CMPK2: variants seen among roughly 807,000 people sequenced by gnomAD.
The protein encoded by CMPK2 is UMP-CMP kinase 2, mitochondrial.
Under a neutral mutation model 33.4 loss-of-function variants are expected in CMPK2, and 32 were observed. That is an observed-to-expected ratio of 0.96 (90% confidence interval 0.72 to 1.29). The LOEUF is 1.29. Ranked by LOEUF, CMPK2 falls within the 50% of genes most tolerant of loss-of-function variation. The pLI is 0.00. For synonymous variants in CMPK2, 299 were observed against 275.3 expected, an observed-to-expected ratio of 1.09 and a Z score of -0.85; for missense variants, 672 against 616.0, an observed-to-expected ratio of 1.09 and a Z score of -0.96.
Position 6,849,623 on chromosome 2 carries a change from T to C in CMPK2, c.*227A>G. 1 of 1,332,658 alleles carries C rather than the reference T, an allele frequency of 7.5e-7. No individual in the cohort carries two copies. 82.6% of individuals were successfully genotyped at this position (1,332,658 alleles called of 1,614,324 possible). A position where few individuals can be genotyped will look rare whatever the true frequency, so the allele number is the denominator to read the frequency against. On this transcript the variant is annotated 3_prime_UTR_variant, in exon 5 of 5. Coordinates refer to ENST00000256722, the MANE Select transcript of CMPK2 (RefSeq NM_207315.4). ...GTTTACTATGCCAGGAAGAAAGCAA[T>C]CGCTGGCCTCTCACTGGAACATGAT...
chr2:6,864,652 TTTTC>T (rs759198368), intron 1 of CMPK2, among the ~76,000 whole-genome samples: 12 of 152,290 alleles, frequency 7.9e-5, no homozygotes, highest in South Asian at 6.2e-4. Flanking sequence ...AACTCATGCA[TTTTC>T]TTTTTCACCC....
intron 3 of CMPK2, among the ~76,000 whole-genome samples, chr2:6,841,916 C>T (rs73156021): frequency 0.019 from 2,833 of 152,178 alleles, 101 homozygotes; most frequent in African/African-American, 0.065. Context: ...TTCCAAATAG[C>T]GGCATGAGCA....
At chr2:6,845,452 G>A (rs1036402624), downstream of CMPK2, among the ~76,000 whole-genome samples, 1 of 151,888 alleles carries the variant, frequency 6.6e-6, no homozygotes, top group Non-Finnish European at 1.5e-5. Context: ...GAGAGAAAAG[G>A]CATTCCTCTT....
In CMPK2 at chr2:6,851,454, G is replaced by C; in HGVS notation, c.1222C>G (p.Gln408Glu). The C allele has an allele frequency of 1.2e-6, 2 of 1,614,150 alleles. No individual in the cohort carries two copies. The highest frequency in any genetic ancestry group is 2.2e-5 in the South Asian group (2 of 91,048). The stretch of plus-strand genomic sequence containing the variant: ...GCATTGCACTGGGACACCTACTTTT[G>C]ACGAAACACACTGTTGGCCTCAAGT... ...AELEANSVFR[Q>E]KVEMSYQRME... Residue 408 changes from glutamine (Q) to glutamate (E), a missense_variant, in exon 4 of 5, where the codon CAA (glutamine) becomes GAA (glutamate). Coordinates refer to ENST00000256722, the MANE Select transcript of CMPK2 (RefSeq NM_207315.4).
intron 1 of CMPK2, 42 bp from the exon 2 acceptor site, chr2:6,863,620 C>A: frequency 1.3e-6 from 2 of 1,489,522 alleles, no homozygotes; most frequent in Non-Finnish European, 1.9e-6. Flanking sequence ...AGCCAGGGGG[C>A]TTTTGCAGAA....
chr2:6,843,700 G>T (rs138560666), downstream of CMPK2, among the ~76,000 whole-genome samples: 213 of 152,280 alleles, frequency 1.4e-3, no homozygotes, highest in African/African-American at 5.0e-3. Flanking sequence ...GGGATGCTCA[G>T]GCATGATTAA....
chr2:6,853,794 C>T lies in CMPK2; in HGVS notation c.993-2111G>A, dbSNP rs531474941. Among the ~76,000 whole-genome samples, 115 of 151,918 alleles carry T rather than the reference C, an allele frequency of 7.6e-4. No homozygotes were observed. In the East Asian group the frequency reaches 8.1e-3, roughly 11 times the overall value. On this transcript the variant is annotated intron_variant, in intron 3 of 4. Coordinates refer to ENST00000256722, the MANE Select transcript of CMPK2 (RefSeq NM_207315.4). ...GCGGGCACCTGTAGTCCCAGCTACTCGGGAGGCTGAGGCAGGAGAATGGCG... is the reference window on the plus strand; with the variant it reads ...GCGGGCACCTGTAGTCCCAGCTACTTGGGAGGCTGAGGCAGGAGAATGGCG...
At chr2:6,851,711 C>T in intron 3 of CMPK2, 28 bp from the exon 4 acceptor site, 1 of 1,601,262 alleles carries the variant, frequency 6.2e-7, no homozygotes, top group Non-Finnish European at 8.5e-7. Flanking sequence ...AGTGAGTTCT[C>T]TGTCTGCAGA....
chr2:6,841,331 C>G (rs958515751), intron 3 of CMPK2, among the ~76,000 whole-genome samples: 3 of 152,168 alleles, frequency 2.0e-5, no homozygotes, highest in African/African-American at 7.2e-5. Context: ...ATTTGCCAGT[C>G]CTCCCCTGGG....
intron 3 of CMPK2, among the ~76,000 whole-genome samples, chr2:6,857,384 T>C (rs1384155373): frequency 1.3e-5 from 2 of 151,546 alleles, no homozygotes; most frequent in Non-Finnish European, 2.9e-5. Flanking sequence ...TCCTCTTGCT[T>C]TGTCATTGCA....
At chr2:6,844,129 T>C (rs1165076082), downstream of CMPK2, among the ~76,000 whole-genome samples, 2 of 152,200 alleles carry the variant, frequency 1.3e-5, no homozygotes, top group Non-Finnish European at 2.9e-5. Context: ...TGCCCCAGTT[T>C]GCCACAGTGG....
chr2:6,865,147 G>A lies in CMPK2; in HGVS notation c.550C>T (p.Arg184Trp), dbSNP rs1379467698. Residue 184 changes from arginine to tryptophan, a missense_variant, in exon 1 of 5, where the codon CGG becomes TGG. By Grantham distance (101) the Arg-to-Trp change is moderately radical (BLOSUM62 -3). Coordinates refer to ENST00000256722, the MANE Select transcript of CMPK2 (RefSeq NM_207315.4). ...QRLWEVQDGR[R>W]LQVGCAQVVP... Reference sequence around the variant, plus strand: ...ACCTGTGCGCAGCCCACCTGCAGCCGCCTGCCGTCTTGCACCTCCCAGAGG... The same window carrying A: ...ACCTGTGCGCAGCCCACCTGCAGCCACCTGCCGTCTTGCACCTCCCAGAGG... 3 of 1,528,828 alleles carry A rather than the reference G, an allele frequency of 2.0e-6. No individual in the cohort carries two copies. The highest frequency in any genetic ancestry group is 2.7e-5 in the East Asian group (1 of 37,656). 94.7% of individuals were successfully genotyped at this position (1,528,828 alleles called of 1,614,324 possible). A position where few individuals can be genotyped will look rare whatever the true frequency, so the allele number is the denominator to read the frequency against.
At chr2:6,863,824 C>A (rs1256004993) in intron 1 of CMPK2, among the ~76,000 whole-genome samples, 2 of 152,230 alleles carry the variant, frequency 1.3e-5, no homozygotes, top group African/African-American at 4.8e-5. Flanking sequence ...GCAGCCTTCA[C>A]TGAGCAGCTT....
upstream of CMPK2, chr2:6,866,132 G>A (rs796105605): frequency 4.6e-6 from 1 of 217,678 alleles, no homozygotes; most frequent in South Asian, 5.1e-5. Flanking sequence ...GTGCATGGAG[G>A]GGGGCGGGGG....
In CMPK2 at chr2:6,860,260, C is replaced by T. The variant is rs569125013; in HGVS notation, c.992+924G>A. 4.6e-5 allele frequency among the ~76,000 whole-genome samples: 7 copies of T among 152,216 alleles called. No individual in the cohort carries two copies. In the South Asian group the frequency reaches 1.2e-3, roughly 27 times the overall value. On this transcript the variant is annotated intron_variant, in intron 3 of 4. Coordinates refer to ENST00000256722, the MANE Select transcript of CMPK2 (RefSeq NM_207315.4). ...TCTCAGATGAGACTTTGGCTGTGGA[C>T]TTTTGAGTTAATGCTGAAATGAGTT...
Position 6,849,662 on chromosome 2 carries a change from G to T in CMPK2, c.*188C>A. On this transcript the variant is annotated 3_prime_UTR_variant, in exon 5 of 5. Transcript: ENST00000256722. ...CTGGAACATGATGAGAGGGACCTTT[G>T]TGATGACGGGTCCATCAGTCAGAAG... is the stretch of plus-strand genomic sequence containing the variant. 2.8e-6 allele frequency: 4 copies of T among 1,430,176 alleles called. No individual in the cohort carries two copies. Among genetic ancestry groups the T allele is most frequent in the Non-Finnish European group, 3.6e-6 (4 of 1,100,384 alleles). The allele number at this position is 1,430,176 out of a possible 1,614,324, so 88.6% of individuals were successfully genotyped here.
chr2:6,865,996 C>A, upstream of CMPK2: 1 of 713,226 alleles, frequency 1.4e-6, no homozygotes, highest in Non-Finnish European at 2.0e-6. Context: ...TCCCCAGGCG[C>A]CGGCTCCCGG....
At chr2:6,840,567 G>A (rs1558317857), downstream of CMPK2, 3 of 702,220 alleles carry the variant, frequency 4.3e-6, no homozygotes, top group Non-Finnish European at 7.8e-6. Context: ...GGGATGTCAG[G>A]GGTCATTCCA....
chr2:6,860,918 T>C (rs1001027411), intron 3 of CMPK2, among the ~76,000 whole-genome samples: 5 of 152,240 alleles, frequency 3.3e-5, no homozygotes, highest in African/African-American at 9.6e-5. Flanking sequence ...GGGAATAACA[T>C]GTAACATTCA....
Sources: allele counts gnomAD v4.1 joint callset (sites outside exome capture counted in the v4.1 genomes callset), GRCh38; gene constraint gnomAD v4.1.1; transcripts MANE v1.5; gene names NCBI Gene and HGNC (gene_info 2026-07-23, HGNC 2026-07-21).